OPA3: variants seen among roughly 807,000 people sequenced by gnomAD.
The protein encoded by OPA3 is outer mitochondrial membrane lipid metabolism regulator OPA3.
Under a neutral mutation model 4.0 loss-of-function variants are expected in OPA3, and 6 were observed. The ratio of observed to expected loss-of-function variants is 1.51; its 90% CI spans 0.83 to 2.99. OPA3 has a LOEUF of 2.99. OPA3 is among the 30% of genes most tolerant of loss of function. The pLI, the probability that OPA3 is intolerant of heterozygous loss-of-function variation, is 0.00. For synonymous variants in OPA3, 105 were observed against 117.1 expected (o/e 0.90, Z 0.67); for missense variants, 235 against 256.2 (o/e 0.92, Z 0.56).
intron 1 of OPA3, among the ~76,000 whole-genome samples, chr19:45,557,114 C>T (rs1369181105): frequency 6.6e-6 from 1 of 152,182 alleles, no homozygotes; most frequent in African/African-American, 2.4e-5. Context: ...GATCCTCTAG[C>T]CTTCCTGGGT....
chr19:45,579,009 T>C (rs1324949270), intron 1 of OPA3, among the ~76,000 whole-genome samples: 1 of 151,992 alleles, frequency 6.6e-6, no homozygotes, highest in East Asian at 1.9e-4. Flanking sequence ...CCAGGCACGC[T>C]CATGCCTCAG....
chr19:45,571,452 C>T (rs902595448), intron 1 of OPA3, among the ~76,000 whole-genome samples: 2 of 152,068 alleles, frequency 1.3e-5, no homozygotes, highest in Non-Finnish European at 2.9e-5. Flanking sequence ...TGGCTGACTG[C>T]TAAATAATTT....
chr19:45,553,703 A>G lies in OPA3; in HGVS notation c.351T>C (p.Ala117=), dbSNP rs760489108. The G allele has an allele frequency of 5.7e-5, 92 of 1,608,036 alleles. No homozygotes were observed. The highest frequency in any genetic ancestry group is 7.2e-5 in the Non-Finnish European group (85 of 1,179,206). The change falls in exon 2 of 2, where the codon GCT becomes GCC. Residue 117 remains alanine (A), a synonymous_variant. Transcript: ENST00000263275. Reference sequence around the variant, plus strand: ...CCTCGTCCCGCAGCGCGTTCCAGGCAGCACGCTGCTCCTCCTCCTTGTGGC... The same window carrying G: ...CCTCGTCCCGCAGCGCGTTCCAGGCGGCACGCTGCTCCTCCTCCTTGTGGC... ...QQRHKEEEQR[A]AWNALRDEVG...
At chr19:45,580,709 C>T (rs1329368144) in intron 1 of OPA3, among the ~76,000 whole-genome samples, 2 of 151,402 alleles carry the variant, frequency 1.3e-5, no homozygotes, top group Middle Eastern at 3.2e-3. Context: ...ACCTCTGCCT[C>T]CCAGGTTCAA....
At chr19:45,578,795 C>T (rs909474957) in intron 1 of OPA3, among the ~76,000 whole-genome samples, 15 of 152,210 alleles carry the variant, frequency 9.9e-5, no homozygotes, top group South Asian at 2.1e-4. Flanking sequence ...CCATTGCACT[C>T]CAGCCTGGGT....
intron 1 of OPA3, among the ~76,000 whole-genome samples, chr19:45,573,420 C>T (rs1053154522): frequency 1.3e-5 from 2 of 151,764 alleles, no homozygotes; most frequent in African/African-American, 4.8e-5. Context: ...CACTGCACTC[C>T]GGCCTGGGCA....
At chr19:45,565,239 CAAAACAA>C (rs1270178603) in intron 1 of OPA3, among the ~76,000 whole-genome samples, 3 of 151,730 alleles carry the variant, frequency 2.0e-5, no homozygotes, top group African/African-American at 4.8e-5. Context: ...TCTCAAAAAA[CAAAACAA>C]AAAACAAAAA....
chr19:45,583,976 T>A (rs1389397189), intron 1 of OPA3, among the ~76,000 whole-genome samples: 1 of 152,208 alleles, frequency 6.6e-6, no homozygotes, highest in East Asian at 1.9e-4. Flanking sequence ...AAAGGCCGCA[T>A]AGTCTGTCAA....
chr19:45,581,082 T>C (rs1969848364), intron 1 of OPA3, among the ~76,000 whole-genome samples: 1 of 152,108 alleles, frequency 6.6e-6, no homozygotes. Flanking sequence ...AACACCTCCA[T>C]TTTCCCTTCT....
At chr19:45,570,068 T>A (rs1030246310) in intron 1 of OPA3, among the ~76,000 whole-genome samples, 1 of 152,120 alleles carries the variant, frequency 6.6e-6, no homozygotes, top group Non-Finnish European at 1.5e-5. Context: ...GCAGGCGCCA[T>A]CCCCAGGCTG....
intron 1 of OPA3, among the ~76,000 whole-genome samples, chr19:45,556,912 G>A (rs183402793): frequency 2.6e-5 from 4 of 152,306 alleles, no homozygotes; most frequent in Non-Finnish European, 5.9e-5. Flanking sequence ...CCGGGGCTCC[G>A]CCACCTGCTG....
chr19:45,545,164 C>CA (rs779193252), downstream of OPA3, among the ~76,000 whole-genome samples: 6,838 of 40,160 alleles, frequency 0.17, 814 homozygotes, highest in African/African-American at 0.24. Context: ...GACACCGTCT[C>CA]AAAAAAAAAA....
intron 1 of OPA3, among the ~76,000 whole-genome samples, chr19:45,535,922 A>G (rs546545282): frequency 7.9e-5 from 12 of 151,634 alleles, no homozygotes; most frequent in African/African-American, 2.9e-4. Context: ...CTGCTGCCAC[A>G]CCCTGCTAGA....
rs1458485892 is a variant in OPA3 at position 45,546,523 on chromosome 19, TCTCA to T, written c.*6987_*6990del. ...GCTTTTTTTTTTTTTTGAGACAGGGTCTCACTTTGTCTCCCAGGTTGAGGTGCTG... is the reference window on the plus strand; with the variant it reads ...GCTTTTTTTTTTTTTTGAGACAGGGTCTTTGTCTCCCAGGTTGAGGTGCTG... On this transcript the variant is annotated 3_prime_UTR_variant, in exon 2 of 2. Coordinates refer to ENST00000263275, the MANE Select transcript of OPA3 (RefSeq NM_025136.4). 4.6e-6 allele frequency: 2 copies of T among 437,692 alleles called. No individual in the cohort carries two copies. Among genetic ancestry groups the T allele is most frequent in the Admixed American group, 1.3e-4 (2 of 15,198 alleles). 27.1% of individuals were successfully genotyped at this position (437,692 alleles called of 1,614,324 possible). A position where few individuals can be genotyped will look rare whatever the true frequency, so the allele number is the denominator to read the frequency against.
chr19:45,572,560 G>GATATATATCATGATATATGTATATAAAT (rs1555735326), intron 1 of OPA3, among the ~76,000 whole-genome samples: 4 of 99,158 alleles, frequency 4.0e-5, no homozygotes, highest in Non-Finnish European at 9.0e-5. Flanking sequence ...ATCATATATG[G>GATATATATCATGATATATGTATATAAAT]ATATATATCA....
chr19:45,528,260 TCCTGCTGGAACAGACCACAGAATGC>T (rs1310536689), exon 2 of OPA3: 1 of 152,366 alleles, frequency 6.6e-6, no homozygotes, highest in East Asian at 1.9e-4. Context: ...AAAGGCCACG[TCCTGCTGGAACAGACCACAGAATGC>T]CGGGCTGGGA....
At chr19:45,557,128 G>T (rs1179673030) in intron 1 of OPA3, among the ~76,000 whole-genome samples, 1 of 152,184 alleles carries the variant, frequency 6.6e-6, no homozygotes, top group African/African-American at 2.4e-5. Flanking sequence ...CCTGGGTGAG[G>T]TTCCCAGCGT....
At chr19:45,573,351 T>A (rs984523109) in intron 1 of OPA3, among the ~76,000 whole-genome samples, 1 of 151,990 alleles carries the variant, frequency 6.6e-6, no homozygotes, top group African/African-American at 2.4e-5. Flanking sequence ...CTCGGGAGGC[T>A]GAGACAGGAG....
At chr19:45,558,726 T>A (rs946948524) in intron 1 of OPA3, among the ~76,000 whole-genome samples, 2 of 151,980 alleles carry the variant, frequency 1.3e-5, no homozygotes, top group Admixed American at 1.3e-4. Context: ...TCTGCTGTTT[T>A]TTTTTTTTAT....
Sources: allele counts gnomAD v4.1 joint callset (sites outside exome capture counted in the v4.1 genomes callset), GRCh38; gene constraint gnomAD v4.1.1; transcripts MANE v1.5; gene names NCBI Gene and HGNC (gene_info 2026-07-23, HGNC 2026-07-21).